The following ZNF106 variants were observed in gnomAD, a reference collection of about 807,000 sequenced individuals.
The protein encoded by ZNF106 is SH3-domain binding protein 3.
Under a neutral mutation model 195.1 loss-of-function variants are expected in ZNF106, and 67 were observed. The observed-to-expected ratio is 0.34, with a 90% CI of 0.28 to 0.42. The LOEUF is 0.42. Among genes scored for constraint, ZNF106 ranks in the 10% least tolerant of loss-of-function variants. The pLI is 1.00. For missense variants in ZNF106, 2,118 were observed against 2,304.5 expected (o/e 0.92, Z 1.66); for synonymous variants, 784 against 818.6 (o/e 0.96, Z 0.72).
chr15:42,472,775 G>A (rs1268672652), intron 1 of ZNF106, among the ~76,000 whole-genome samples: 1 of 152,108 alleles, frequency 6.6e-6, no homozygotes, highest in Non-Finnish European at 1.5e-5. Context: ...ATTTTGGGAG[G>A]CCGACGCGGG....
intron 2 of ZNF106, among the ~76,000 whole-genome samples, chr15:42,469,823 G>A (rs2056621905): frequency 6.7e-6 from 1 of 148,752 alleles, no homozygotes; most frequent in Non-Finnish European, 1.5e-5. Context: ...AGACAGCAGG[G>A]TAAGACCCTG....
rs2054425798 is a variant in ZNF106, at chr15:42,415,615, C to T, written c.*1689G>A. On this transcript the variant is annotated 3_prime_UTR_variant, in exon 22 of 22. Coordinates refer to ENST00000564754, the MANE Select transcript of ZNF106 (RefSeq NM_001366845.3). ...GAAGACATGTGAGTGGATATATGTG[C>T]ACTAACAGGGGCGAAGACAGACCTG... is the stretch of plus-strand genomic sequence containing the variant. 2 of 368,728 alleles carry T rather than the reference C, an allele frequency of 5.4e-6. No individual in the cohort carries two copies. The highest frequency in any genetic ancestry group is 2.1e-5 in the African/African-American group (1 of 47,032). The allele number at this position is 368,728 out of a possible 1,614,324, so 22.8% of individuals were successfully genotyped here. A position where few individuals can be genotyped will look rare whatever the true frequency, so the allele number is the denominator to read the frequency against.
chr15:42,481,812 T>C (rs1352829229), intron 1 of ZNF106, among the ~76,000 whole-genome samples: 1 of 152,340 alleles, frequency 6.6e-6, no homozygotes, highest in South Asian at 2.1e-4. Flanking sequence ...CTGTATCTAA[T>C]GTGTTGTTTT....
At chr15:42,479,766 C>T (rs773629439) in intron 1 of ZNF106, among the ~76,000 whole-genome samples, 5 of 152,004 alleles carry the variant, frequency 3.3e-5, no homozygotes, top group South Asian at 2.1e-4. Context: ...CGCTTGAACC[C>T]GGGGAGTAGA....
intron 4 of ZNF106, among the ~76,000 whole-genome samples, chr15:42,453,340 G>A (rs1217779208): frequency 6.6e-6 from 1 of 152,132 alleles, no homozygotes; most frequent in African/African-American, 2.4e-5. Context: ...AACTACAGCT[G>A]TTTCATGTTC....
In ZNF106 at chr15:42,457,165, A is replaced by G; in HGVS notation, c.117-7T>C. 3 of 1,614,138 alleles carry G rather than the reference A, an allele frequency of 1.9e-6. No individual in the cohort carries two copies. Among genetic ancestry groups the G allele is most frequent in the Non-Finnish European group, 2.5e-6 (3 of 1,180,020 alleles). The stretch of plus-strand genomic sequence containing the variant: ...GCACTCATGACTAATGTCCCTAGGG[A>G]AAGAGGGAGATGAGGGACATTCAAT... On this transcript the variant is annotated splice_polypyrimidine_tract_variant and splice_region_variant and intron_variant, in intron 3 of 21. Transcript: ENST00000564754.
In ZNF106 at chr15:42,442,459, T is replaced by G. The variant is rs542661938; in HGVS notation, c.3422-45A>C. 1.3e-5 allele frequency: 20 copies of G among 1,505,612 alleles called. No individual in the cohort carries two copies. In the East Asian group the frequency reaches 3.6e-4, roughly 27 times the overall value. The allele number at this position is 1,505,612 out of a possible 1,614,324, so 93.3% of individuals were successfully genotyped here. On this transcript the variant is annotated intron_variant, in intron 9 of 21. Coordinates refer to ENST00000564754, the MANE Select transcript of ZNF106 (RefSeq NM_001366845.3). ...TACATAGAAATGCAAAAATGTTATCTGAAAAGTCATTTGTGTCTGAGCTAA... is the reference window on the plus strand; with the variant it reads ...TACATAGAAATGCAAAAATGTTATCGGAAAAGTCATTTGTGTCTGAGCTAA...
At chr15:42,467,492 G>T (rs963441720) in intron 2 of ZNF106, among the ~76,000 whole-genome samples, 1 of 152,012 alleles carries the variant, frequency 6.6e-6, no homozygotes, top group East Asian at 1.9e-4. Flanking sequence ...AAGGTTAAGC[G>T]TGAAAATATT....
chr15:42,476,251 T>C (rs1241309368), intron 1 of ZNF106, among the ~76,000 whole-genome samples: 1 of 152,230 alleles, frequency 6.6e-6, no homozygotes, highest in African/African-American at 2.4e-5. Context: ...AACTTTAGTT[T>C]ATATATTCTT....
At chr15:42,452,681 C>CTTTTTTTTTTT (rs1322441388) in intron 4 of ZNF106, among the ~76,000 whole-genome samples, 3 of 101,900 alleles carry the variant, frequency 2.9e-5, no homozygotes, top group Non-Finnish European at 5.6e-5. Flanking sequence ...CTATAGTTAT[C>CTTTTTTTTTTT]TTTTTTTTTT....
intron 21 of ZNF106, 140 bp downstream of exon 21, chr15:42,417,665 C>A: frequency 1.2e-5 from 13 of 1,040,240 alleles, no homozygotes; most frequent in Non-Finnish European, 1.6e-5. Context: ...TAAGCTACCC[C>A]CCAAATCTCT....
In ZNF106 at chr15:42,416,622, C is replaced by G. The variant is rs1217552024; in HGVS notation, c.*682G>C. 6.6e-6 allele frequency: 1 copy of G among 152,242 alleles called. No homozygotes were observed. The highest frequency in any genetic ancestry group is 1.5e-5 in the Non-Finnish European group (1 of 68,064). 9.4% of individuals were successfully genotyped at this position (152,242 alleles called of 1,614,324 possible). A position where few individuals can be genotyped will look rare whatever the true frequency, so the allele number is the denominator to read the frequency against. On this transcript the variant is annotated 3_prime_UTR_variant, in exon 22 of 22. Transcript: ENST00000564754. ...TTCTATCCACATTTACAGAGATTTA[C>G]TAGAAGTGGTGTCTGTAAGGACTTG...
At chr15:42,438,410 T>C (rs527285834) in intron 12 of ZNF106, among the ~76,000 whole-genome samples, 2 of 152,142 alleles carry the variant, frequency 1.3e-5, no homozygotes, top group South Asian at 4.2e-4. Context: ...ATCAATCAGA[T>C]AGATGAGAAT....
intron 1 of ZNF106, among the ~76,000 whole-genome samples, chr15:42,488,112 C>G (rs913385978): frequency 6.6e-6 from 1 of 152,160 alleles, no homozygotes; most frequent in African/African-American, 2.4e-5. Flanking sequence ...GTAGCAAATT[C>G]AAGTTTTGCT....
At chr15:42,434,104 C>T (rs2055174987) in intron 14 of ZNF106, among the ~76,000 whole-genome samples, 1 of 152,150 alleles carries the variant, frequency 6.6e-6, no homozygotes, top group African/African-American at 2.4e-5. Context: ...GCTCTGGCCT[C>T]CCAAAGTGCT....
intron 1 of ZNF106, among the ~76,000 whole-genome samples, chr15:42,485,835 C>T (rs1295245334): frequency 6.6e-6 from 1 of 152,198 alleles, no homozygotes; most frequent in Non-Finnish European, 1.5e-5. Context: ...ATGGTAGTAG[C>T]CAGTGCTCCT....
At chr15:42,458,354 A>C (rs2056298965) in intron 3 of ZNF106, among the ~76,000 whole-genome samples, 1 of 151,518 alleles carries the variant, frequency 6.6e-6, no homozygotes, top group South Asian at 2.1e-4. Flanking sequence ...AAAACTGGGC[A>C]CTTCATTTAC....
chr15:42,481,339 TCTG>T (rs1322861246), intron 1 of ZNF106, among the ~76,000 whole-genome samples: 2 of 144,672 alleles, frequency 1.4e-5, no homozygotes, highest in African/African-American at 2.8e-5. Flanking sequence ...TCATATTCTT[TCTG>T]TTTTTTTTTT....
intron 5 of ZNF106, 36 bp downstream of exon 5, chr15:42,449,735 G>C (rs1489468344): frequency 2.6e-6 from 4 of 1,566,422 alleles, no homozygotes; most frequent in Non-Finnish European, 3.5e-6. Context: ...TTAAAAGAAA[G>C]TGAGGAAAAA....
Sources: allele counts gnomAD v4.1 joint callset (sites outside exome capture counted in the v4.1 genomes callset), GRCh38; gene constraint gnomAD v4.1.1; transcripts MANE v1.5; gene names NCBI Gene and HGNC (gene_info 2026-07-23, HGNC 2026-07-21).